The following NFATC2 variants were observed in gnomAD, a reference collection of about 807,000 sequenced individuals.
NFATC2 encodes the protein nuclear factor of activated T-cells, cytoplasmic 2.
NFATC2 carries 22 observed loss-of-function variants against 87.3 expected under a neutral mutation model. That is an observed-to-expected ratio of 0.25 (90% CI 0.18 to 0.36). NFATC2 has a LOEUF of 0.36. Among genes scored for constraint, NFATC2 ranks in the 10% least tolerant of loss-of-function variants. The pLI, the probability that NFATC2 is intolerant of heterozygous loss-of-function variation, is 1.00. For synonymous variants in NFATC2, 565 were observed against 542.2 expected, an observed-to-expected ratio of 1.04 and a Z score of -0.58; for missense variants, 1,149 against 1,259.1, an observed-to-expected ratio of 0.91 and a Z score of 1.32.
chr20:51,518,839 T>TA (rs1240017291), intron 2 of NFATC2, among the ~76,000 whole-genome samples: 2 of 152,236 alleles, frequency 1.3e-5, no homozygotes, highest in Non-Finnish European at 2.9e-5. Context: ...CTCTTGCTGT[T>TA]ATCCAGTCTG....
In NFATC2 at chr20:51,524,312, G is replaced by T. The variant is rs2076507717; in HGVS notation, c.131-202C>A. Among the ~76,000 whole-genome samples the T allele has an allele frequency of 6.6e-6, 1 of 152,148 alleles. No homozygotes were observed. The highest frequency in any genetic ancestry group is 1.5e-5 in the Non-Finnish European group (1 of 68,030). On this transcript the variant is annotated intron_variant, in intron 1 of 10. Coordinates refer to ENST00000371564, the MANE Select transcript of NFATC2 (RefSeq NM_012340.5). The surrounding 1 kb of genome is among the most constrained non-coding windows in gnomAD (Gnocchi z 4.0). The stretch of plus-strand genomic sequence containing the variant: ...CCCAGGTCCCTGGAGAAGACAGGTC[G>T]AAGCAGAATGAGTTCTGGAAGACCC...
At chr20:51,514,116 T>G (rs1244391011) in intron 3 of NFATC2, among the ~76,000 whole-genome samples, 1 of 152,206 alleles carries the variant, frequency 6.6e-6, no homozygotes, top group Non-Finnish European at 1.5e-5. Context: ...AGGCAGCAAA[T>G]GTTTTCTAAA....
At chr20:51,394,291 T>C (rs539299186) in intron 10 of NFATC2, among the ~76,000 whole-genome samples, 1 of 152,114 alleles carries the variant, frequency 6.6e-6, no homozygotes, top group African/African-American at 2.4e-5. Context: ...TCATGCAGGG[T>C]CCACAGGTCC....
intron 6 of NFATC2, 24 bp downstream of exon 6, chr20:51,454,524 G>T (rs1986184680): frequency 1.2e-6 from 2 of 1,613,002 alleles, no homozygotes; most frequent in Non-Finnish European, 1.7e-6. Flanking sequence ...GGGGGACAGA[G>T]AAAGAGCTCA....
intron 1 of NFATC2, among the ~76,000 whole-genome samples, chr20:51,527,836 C>T (rs1159894166): frequency 1.3e-5 from 2 of 152,100 alleles, no homozygotes; most frequent in African/African-American, 2.4e-5. Context: ...CATGGTGGCT[C>T]ACACCTGGAA....
chr20:51,477,561 ATATATATATATATATATAT>A (rs1988841571), intron 3 of NFATC2, among the ~76,000 whole-genome samples: 2 of 124,042 alleles, frequency 1.6e-5, no homozygotes, highest in Non-Finnish European at 3.5e-5. Context: ...ATATATATAT[ATATATATATATATATATAT>A]AAAATAACAA....
intron 1 of NFATC2, among the ~76,000 whole-genome samples, chr20:51,533,683 G>C (rs1436345106): frequency 6.6e-6 from 1 of 152,222 alleles, no homozygotes; most frequent in Non-Finnish European, 1.5e-5. Flanking sequence ...AGGACTCAGT[G>C]GTGCCTTCCA....
rs141923376 is a variant in NFATC2, at chr20:51,560,160, C to T, written c.70+2400G>A. On this transcript the variant is annotated intron_variant, in intron 1 of 10. Transcript: ENST00000414705. ...TGGAGCATTGACTATGACCAAGACA[C>T]CATTTTCGGTGCCTTATCTGTTTTA... Among the ~76,000 whole-genome samples the T allele has an allele frequency of 6.5e-4, 99 of 152,304 alleles. 1 individual carries two copies. The East Asian group carries it at 0.012, about 18-fold the overall frequency.
intron 3 of NFATC2, among the ~76,000 whole-genome samples, chr20:51,507,297 G>C (rs2076200508): frequency 6.6e-6 from 1 of 152,174 alleles, no homozygotes; most frequent in African/African-American, 2.4e-5. Flanking sequence ...GTGGTTGCAA[G>C]GATGAGCTAA....
intron 1 of NFATC2, among the ~76,000 whole-genome samples, chr20:51,550,160 A>G (rs1350787235): frequency 2.6e-5 from 4 of 152,102 alleles, no homozygotes; most frequent in Non-Finnish European, 5.9e-5. Flanking sequence ...CCTAGGCAAC[A>G]TAGTAAGATC....
intron 3 of NFATC2, among the ~76,000 whole-genome samples, chr20:51,487,304 G>A (rs781597321): frequency 6.6e-5 from 10 of 152,142 alleles, no homozygotes; most frequent in African/African-American, 1.9e-4. Context: ...GATGGCAGCC[G>A]CTTCAGAACA....
chr20:51,554,484 TC>T, intron 1 of NFATC2, among the ~76,000 whole-genome samples: 1 of 152,272 alleles, frequency 6.6e-6, no homozygotes, highest in African/African-American at 2.4e-5. Flanking sequence ...CTACAGGAAC[TC>T]CTGAAAGTTA....
At chr20:51,509,493 C>G (rs768210199) in intron 3 of NFATC2, among the ~76,000 whole-genome samples, 2 of 152,024 alleles carry the variant, frequency 1.3e-5, no homozygotes, top group Non-Finnish European at 2.9e-5. Flanking sequence ...CTGAGTGACC[C>G]GGCCACCACC....
chr20:51,543,388 A>G (rs1461987775), upstream of NFATC2, among the ~76,000 whole-genome samples: 2 of 152,214 alleles, frequency 1.3e-5, no homozygotes, highest in African/African-American at 4.8e-5. Context: ...GGGCCAGGAG[A>G]GAACTCACCA....
intron 3 of NFATC2, among the ~76,000 whole-genome samples, chr20:51,504,318 TAG>T (rs1182746744): frequency 2.0e-5 from 3 of 152,130 alleles, no homozygotes; most frequent in African/African-American, 7.2e-5. Flanking sequence ...GTATTTTCAG[TAG>T]AGCCGGGGTT....
At chr20:51,502,278 T>C (rs567252486) in intron 3 of NFATC2, among the ~76,000 whole-genome samples, 1 of 152,232 alleles carries the variant, frequency 6.6e-6, no homozygotes, top group Non-Finnish European at 1.5e-5. Context: ...ATTTTGACCA[T>C]GGCACCATGC....
intron 3 of NFATC2, among the ~76,000 whole-genome samples, chr20:51,487,447 T>C (rs1217740986): frequency 1.3e-5 from 2 of 152,184 alleles, no homozygotes; most frequent in Non-Finnish European, 1.5e-5. Context: ...TGTTTACCTA[T>C]GGAACAAACC....
At chr20:51,399,942 C>A (rs144507084) in intron 9 of NFATC2, among the ~76,000 whole-genome samples, 2 of 152,302 alleles carry the variant, frequency 1.3e-5, no homozygotes, top group East Asian at 3.9e-4. Flanking sequence ...ATCTACCTGC[C>A]CAAACTTCAC....
At chr20:51,490,093 C>T (rs1321514525) in intron 3 of NFATC2, among the ~76,000 whole-genome samples, 3 of 152,182 alleles carry the variant, frequency 2.0e-5, no homozygotes, top group Non-Finnish European at 4.4e-5. Context: ...CTGGGGAAAA[C>T]TGGATAATAG....
Sources: gnomAD v4.1 joint callset for allele counts (sites outside exome capture counted in the v4.1 genomes callset) on GRCh38, gnomAD v4.1.1 for gene constraint, Gnocchi (gnomAD v3.1) non-coding constraint, MANE v1.5 for transcripts, NCBI Gene and HGNC (gene_info 2026-07-23, HGNC 2026-07-21) for gene names.